Variants in CDK14 observed in about 807,000 individuals in gnomAD.
CDK14 encodes the protein cyclin-dependent kinase 14.
Under a neutral mutation model 60.7 loss-of-function variants are expected in CDK14, and 34 were observed. The observed-to-expected ratio is 0.56, with a 90% CI of 0.43 to 0.75. CDK14 has a LOEUF of 0.75. Among genes scored for constraint, CDK14 ranks in the 30% least tolerant of loss-of-function variants. The pLI, the probability that CDK14 is intolerant of heterozygous loss-of-function variation, is 0.00. For synonymous variants in CDK14, 197 were observed against 203.7 expected, an observed-to-expected ratio of 0.97 and a Z score of 0.28; for missense variants, 482 against 564.1, an observed-to-expected ratio of 0.85 and a Z score of 1.47.
intron 12 of CDK14, among the ~76,000 whole-genome samples, chr7:91,110,349 A>G (rs963631384): frequency 2.0e-5 from 3 of 152,182 alleles, no homozygotes; most frequent in Admixed American, 1.3e-4. Flanking sequence ...TATATGAGGC[A>G]TATACTGTAT....
chr7:90,874,115 G>T (rs1791468975), intron 6 of CDK14, among the ~76,000 whole-genome samples: 1 of 152,014 alleles, frequency 6.6e-6, no homozygotes, highest in Non-Finnish European at 1.5e-5. Context: ...TGATTTCCAG[G>T]CATGCCCTTC....
chr7:91,143,723 A>G (rs1226245613), intron 14 of CDK14, among the ~76,000 whole-genome samples: 4 of 152,128 alleles, frequency 2.6e-5, no homozygotes, highest in African/African-American at 9.7e-5. Context: ...TAAAATAATA[A>G]TAATAGTAAT....
chr7:90,958,076 C>T (rs956197950), intron 9 of CDK14, among the ~76,000 whole-genome samples: 3 of 152,134 alleles, frequency 2.0e-5, no homozygotes, highest in South Asian at 4.1e-4. Flanking sequence ...TACTTACTTA[C>T]TTCAGTGCTC....
intron 6 of CDK14, among the ~76,000 whole-genome samples, chr7:90,872,799 T>C (rs1791415821): frequency 6.6e-6 from 1 of 152,180 alleles, no homozygotes; most frequent in African/African-American, 2.4e-5. Context: ...CAACTGTTGC[T>C]ATGGTAAATG....
chr7:91,125,644 C>G (rs1799921062), intron 14 of CDK14, among the ~76,000 whole-genome samples: 1 of 151,950 alleles, frequency 6.6e-6, no homozygotes, highest in African/African-American at 2.4e-5. Context: ...TCAAAGGTTA[C>G]TTTTCCATTT....
At chr7:91,132,035 A>G (rs1800134531) in intron 14 of CDK14, among the ~76,000 whole-genome samples, 1 of 134,508 alleles carries the variant, frequency 7.4e-6, no homozygotes, top group Non-Finnish European at 1.7e-5. Flanking sequence ...TTTAGCAACC[A>G]CTATATTGGT....
chr7:90,626,101 C>T (rs1290080037), intron 2 of CDK14, among the ~76,000 whole-genome samples: 2 of 152,084 alleles, frequency 1.3e-5, no homozygotes, highest in Admixed American at 6.6e-5. Flanking sequence ...TGATCTGAGG[C>T]GAGTATTGGG....
chr7:91,164,902 G>C (rs1801299366), intron 14 of CDK14, among the ~76,000 whole-genome samples: 1 of 152,122 alleles, frequency 6.6e-6, no homozygotes, highest in African/African-American at 2.4e-5. Context: ...CAAGGTTGGG[G>C]TCTAAAAAAT....
chr7:91,191,932 G>A (rs1449432024), intron 14 of CDK14, among the ~76,000 whole-genome samples: 3 of 152,072 alleles, frequency 2.0e-5, no homozygotes, highest in Non-Finnish European at 2.9e-5. Flanking sequence ...CAGATCAGCG[G>A]TAGGAGCAAA....
intron 3 of CDK14, among the ~76,000 whole-genome samples, chr7:90,737,624 ATCAATGAT>A (rs1255019297): frequency 2.1e-3 from 322 of 152,326 alleles, no homozygotes; most frequent in African/African-American, 7.0e-3. Flanking sequence ...CAAGTTACCT[ATCAATGAT>A]GCATTACCTT....
intron 11 of CDK14, among the ~76,000 whole-genome samples, chr7:91,051,748 GCT>G (rs1049060298): frequency 1.3e-5 from 2 of 152,074 alleles, no homozygotes; most frequent in African/African-American, 4.8e-5. Flanking sequence ...TTTGCATAAG[GCT>G]CTCTGCTATA....
chr7:90,712,738 A>T (rs949513255), intron 2 of CDK14, among the ~76,000 whole-genome samples: 1 of 152,114 alleles, frequency 6.6e-6, no homozygotes, highest in Non-Finnish European at 1.5e-5. Context: ...TTCTTTGCTG[A>T]TAGCAGCATT....
chr7:91,040,644 A>G (rs1237314287), intron 10 of CDK14, among the ~76,000 whole-genome samples: 1 of 152,200 alleles, frequency 6.6e-6, no homozygotes, highest in East Asian at 1.9e-4. Flanking sequence ...TTCCCATATC[A>G]TTTCATTAGG....
At chr7:91,085,343 C>T (rs143832508) in intron 12 of CDK14, among the ~76,000 whole-genome samples, 99 of 152,230 alleles carry the variant, frequency 6.5e-4, no homozygotes, top group East Asian at 1.9e-3. Flanking sequence ...TGTCTCCACC[C>T]GCTCAACGCC....
Position 90,910,803 on chromosome 7 carries a change from A to G in CDK14, c.703-6798A>G, listed in dbSNP as rs548251076. 5.9e-5 allele frequency among the ~76,000 whole-genome samples: 9 copies of G among 152,236 alleles called. No individual in the cohort carries two copies. In the South Asian group the frequency reaches 1.7e-3, roughly 28 times the overall value. On this transcript the variant is annotated intron_variant, in intron 7 of 14. Coordinates refer to ENST00000380050, the MANE Select transcript of CDK14 (RefSeq NM_001287135.2). Reference sequence around the variant, plus strand: ...AAAAAACTTTTAAGTTCAGGGGTACATGTGCAGGATGTGCAGGTTTGTTGC... The same window carrying G: ...AAAAAACTTTTAAGTTCAGGGGTACGTGTGCAGGATGTGCAGGTTTGTTGC...
intron 9 of CDK14, among the ~76,000 whole-genome samples, chr7:90,974,112 G>C (rs1365186902): frequency 1.3e-5 from 2 of 152,016 alleles, no homozygotes; most frequent in African/African-American, 4.8e-5. Flanking sequence ...ATTTCTTTCT[G>C]GGAAAAGAAT....
At chr7:90,957,354 C>T (rs1794458669) in intron 9 of CDK14, among the ~76,000 whole-genome samples, 1 of 151,968 alleles carries the variant, frequency 6.6e-6, no homozygotes, top group Admixed American at 6.6e-5. Context: ...CTGGCCAGGG[C>T]AATTAGGCAG....
At chr7:90,678,378 A>C (rs1389681997) in intron 2 of CDK14, among the ~76,000 whole-genome samples, 1 of 152,108 alleles carries the variant, frequency 6.6e-6, no homozygotes, top group Non-Finnish European at 1.5e-5. Flanking sequence ...TGAGAGAATA[A>C]ACCTGACCCA....
intron 12 of CDK14, among the ~76,000 whole-genome samples, chr7:91,098,924 A>C (rs1402922411): frequency 7.9e-5 from 12 of 152,190 alleles, no homozygotes; most frequent in Admixed American, 7.9e-4. Flanking sequence ...TTGCATTACT[A>C]AGTTATACTT....
Sources: allele counts gnomAD v4.1 joint callset (sites outside exome capture counted in the v4.1 genomes callset), GRCh38; gene constraint gnomAD v4.1.1; transcripts MANE v1.5; gene names NCBI Gene and HGNC (gene_info 2026-07-23, HGNC 2026-07-21).